Variants in SMCR8 observed in about 807,000 individuals in gnomAD.
SMCR8 encodes the protein guanine nucleotide exchange protein SMCR8.
A neutral mutation model predicts 56.6 loss-of-function variants in SMCR8; 30 were observed. That is an observed-to-expected ratio of 0.53 (90% confidence interval 0.40 to 0.72). The LOEUF (loss-of-function observed/expected upper bound fraction) is 0.72. Among genes scored for constraint, SMCR8 ranks in the 30% least tolerant of loss-of-function variants. The probability of loss-of-function intolerance (pLI) is 0.00; values close to 1 mark genes in which losing one functional copy is unlikely to be tolerated. For missense variants in SMCR8, 1,198 were observed against 1,157.0 expected (o/e 1.04, Z -0.51); for synonymous variants, 538 against 456.0 (o/e 1.18, Z -2.29).
In SMCR8 at chr17:18,315,872, A is replaced by G; in HGVS notation, c.83A>G (p.Glu28Gly). ...CCTTACAATGAGCCGGCCCTGCCTG[A>G]GGAGTACTCGGTGCCGCTCTTCCCC... ...EEPYNEPALP[E>G]EYSVPLFPFA... Residue 28 changes from glutamate (E) to glycine (G), a missense_variant, in exon 1 of 2, where the codon GAG (glutamate) becomes GGG (glycine). By Grantham distance (98) the Glu-to-Gly change is moderately conservative. Transcript: ENST00000406438. 1 of 1,614,106 alleles carries G rather than the reference A, an allele frequency of 6.2e-7. No individual in the cohort carries two copies. The highest frequency in any genetic ancestry group is 8.5e-7 in the Non-Finnish European group (1 of 1,180,010).
Position 18,316,490 on chromosome 17 carries a change from A to G in SMCR8, c.701A>G (p.Asn234Ser), listed in dbSNP as rs756028908. 36 of 1,614,084 alleles carry G rather than the reference A, an allele frequency of 2.2e-5. No individual in the cohort carries two copies. Among genetic ancestry groups the G allele is most frequent in the East Asian group, 6.7e-5 (3 of 44,900 alleles). ...TCATCTCAGGCAATTGAGAAAGCCA[A>G]TGAACTGGCCAGTGTGGAGAAGTCC... is the stretch of plus-strand genomic sequence containing the variant. ...FYSSQAIEKA[N>S]ELASVEKSII... is the part of the protein sequence containing the mutation. The change falls in exon 1 of 2, where the codon AAT becomes AGT. Residue 234 changes from asparagine to serine, a missense_variant. By Grantham distance (46) the Asn-to-Ser change is conservative. Coordinates refer to ENST00000406438, the MANE Select transcript of SMCR8 (RefSeq NM_144775.3).
chr17:18,316,579 C>T lies in SMCR8; in HGVS notation c.790C>T (p.His264Tyr), dbSNP rs767217770. The part of the protein sequence containing the change: ...RSYPHRKLKG[H>Y]DLCPGEMEHI... The stretch of plus-strand genomic sequence containing the variant: ...ATACCCTCATCGGAAGTTGAAGGGG[C>T]ATGATTTGTGTCCTGGTGAGATGGA... The change falls in exon 1 of 2, where the codon CAT becomes TAT. Residue 264 changes from histidine to tyrosine, a missense_variant. His to Tyr is a moderately conservative substitution (Grantham distance 83). Coordinates refer to ENST00000406438, the MANE Select transcript of SMCR8 (RefSeq NM_144775.3). The T allele has an allele frequency of 4.8e-5, 77 of 1,614,070 alleles. No homozygotes were observed. Among genetic ancestry groups the T allele is most frequent in the Non-Finnish European group, 6.1e-5 (72 of 1,180,040 alleles).
chr17:18,322,921 A>C lies in SMCR8; in HGVS notation c.2665A>C (p.Lys889Gln), dbSNP rs1489521120. ...LVASRQMSFL[K>Q]LTLGLVNEDV... The stretch of plus-strand genomic sequence containing the variant: ...AGCCAGCCGCCAGATGAGCTTCCTA[A>C]AGCTGACCCTGGGTCTGGTGAATGA... The change falls in exon 2 of 2, where the codon AAG becomes CAG. Residue 889 changes from lysine (K) to glutamine (Q), a missense_variant. By Grantham distance (53) the Lys-to-Gln change is moderately conservative. Coordinates refer to ENST00000406438, the MANE Select transcript of SMCR8 (RefSeq NM_144775.3). 1 of 1,614,164 alleles carries C rather than the reference A, an allele frequency of 6.2e-7. No individual in the cohort carries two copies. The highest frequency in any genetic ancestry group is 1.1e-5 in the South Asian group (1 of 91,080).
In SMCR8 at chr17:18,316,513, T is replaced by C; in HGVS notation, c.724T>C (p.Ser242Pro). 6.2e-7 allele frequency: 1 copy of C among 1,614,104 alleles called. No homozygotes were observed. The highest frequency in any genetic ancestry group is 8.5e-7 in the Non-Finnish European group (1 of 1,180,020). The change falls in exon 1 of 2, where the codon TCC becomes CCC. Residue 242 changes from serine to proline, a missense_variant. Physicochemically the swap from Ser to Pro is moderately conservative, Grantham distance 74. Transcript: ENST00000406438. Reference protein sequence around the residue: ...KANELASVEKSIIEHQDLLKQ... With the variant: ...KANELASVEKPIIEHQDLLKQ... ...CAATGAACTGGCCAGTGTGGAGAAGTCCATCATTGAACATCAAGACCTGCT... is the reference window on the plus strand; with the variant it reads ...CAATGAACTGGCCAGTGTGGAGAAGCCCATCATTGAACATCAAGACCTGCT...
intron 1 of SMCR8, among the ~76,000 whole-genome samples, chr17:18,320,196 C>A (rs1299756777): frequency 6.6e-6 from 1 of 152,196 alleles, no homozygotes; most frequent in Non-Finnish European, 1.5e-5. Flanking sequence ...TTACCCAGTC[C>A]TCTGTGTCCT....
chr17:18,319,064 A>G (rs975567150), intron 1 of SMCR8, among the ~76,000 whole-genome samples: 1 of 152,216 alleles, frequency 6.6e-6, no homozygotes, highest in Non-Finnish European at 1.5e-5. Flanking sequence ...AGCTCACCCA[A>G]AGAATTCCTG....
rs753366447 is a variant in SMCR8 at position 18,318,145 on chromosome 17, C to T, written c.2356C>T (p.Gln786Ter). Reference protein sequence around the residue: ...DFQKWKLIGLQRVASPAGAGT... With the variant: ...DFQKWKLIGL ...TCAGAAGTGGAAGCTTATTGGCTTG[C>T]AGAGGTAACTGGTTCCAGGTGGTGG... The change falls in exon 1 of 2, where the codon CAG becomes TAG. Residue 786 changes from glutamine (Q) to a stop codon, truncating the protein, a stop_gained. Transcript: ENST00000406438. LOFTEE classifies it high-confidence loss of function. 1 of 1,610,446 alleles carries T rather than the reference C, an allele frequency of 6.2e-7. No individual in the cohort carries two copies. Among genetic ancestry groups the T allele is most frequent in the East Asian group, 2.2e-5 (1 of 44,782 alleles).
rs1189750565 is a variant in SMCR8 at position 18,323,319 on chromosome 17, T to C, written c.*249T>C. On this transcript the variant is annotated 3_prime_UTR_variant, in exon 2 of 2. Transcript: ENST00000406438. Reference sequence around the variant, plus strand: ...CCTGGTGAAGAGTGGCCCCTGGATATGGAGGGGGCCTTGGTTTTCTGAGGA... The same window carrying C: ...CCTGGTGAAGAGTGGCCCCTGGATACGGAGGGGGCCTTGGTTTTCTGAGGA... 7 of 486,316 alleles carry C rather than the reference T, an allele frequency of 1.4e-5. No individual in the cohort carries two copies. In the East Asian group the frequency reaches 2.4e-4, roughly 16 times the overall value. The allele number at this position is 486,316 out of a possible 1,614,324, so 30.1% of individuals were successfully genotyped here.
In SMCR8 at chr17:18,327,589, A is replaced by T. The variant is rs1158744936; in HGVS notation, c.*4519A>T. On this transcript the variant is annotated 3_prime_UTR_variant, in exon 2 of 2. Transcript: ENST00000406438. ...GGCTGCCTCACCGGGATTGTCTGCCACTAAATAGCTGGAGTCACAGATTGA... is the reference window on the plus strand; with the variant it reads ...GGCTGCCTCACCGGGATTGTCTGCCTCTAAATAGCTGGAGTCACAGATTGA... 2.0e-5 allele frequency: 3 copies of T among 152,382 alleles called. No homozygotes were observed. The East Asian group carries it at 5.8e-4, about 29-fold the overall frequency. 9.4% of individuals were successfully genotyped at this position (152,382 alleles called of 1,614,324 possible).
Position 18,324,770 on chromosome 17 carries a change from G to A in SMCR8, c.*1700G>A, listed in dbSNP as rs1443580664. 1 of 152,344 alleles carries A rather than the reference G, an allele frequency of 6.6e-6. No homozygotes were observed. The highest frequency in any genetic ancestry group is 1.9e-4 in the East Asian group (1 of 5,194). 9.4% of individuals were successfully genotyped at this position (152,344 alleles called of 1,614,324 possible). ...CCGTTGGCTTCTGTTCAGGGTCCTTGCTCCCATCAGAGGTGTTTGATTTTG... is the reference window on the plus strand; with the variant it reads ...CCGTTGGCTTCTGTTCAGGGTCCTTACTCCCATCAGAGGTGTTTGATTTTG... On this transcript the variant is annotated 3_prime_UTR_variant, in exon 2 of 2. Coordinates refer to ENST00000406438, the MANE Select transcript of SMCR8 (RefSeq NM_144775.3).
Position 18,316,858 on chromosome 17 carries a change from A to G in SMCR8, c.1069A>G (p.Ile357Val). ...GDLCYLLTSQIDRALLKQQHI... is the reference protein window; with the variant it reads ...GDLCYLLTSQVDRALLKQQHI... The stretch of plus-strand genomic sequence containing the variant: ...CCTGTGTTACCTCCTGACCAGTCAG[A>G]TTGATAGAGCACTTCTAAAACAACA... Residue 357 changes from isoleucine to valine, a missense_variant, in exon 1 of 2, where the codon ATT becomes GTT. Physicochemically the swap from Ile to Val is conservative, Grantham distance 29. Coordinates refer to ENST00000406438, the MANE Select transcript of SMCR8 (RefSeq NM_144775.3). 6.2e-7 allele frequency: 1 copy of G among 1,614,230 alleles called. No homozygotes were observed. Among genetic ancestry groups the G allele is most frequent in the East Asian group, 2.2e-5 (1 of 44,890 alleles).
At position 18,318,054 on chromosome 17, in the gene SMCR8, C is replaced by G; in HGVS notation, c.2265C>G (p.Pro755=). 6.2e-7 allele frequency: 1 copy of G among 1,614,254 alleles called. No individual in the cohort carries two copies. Residue 755 remains proline (P), a synonymous_variant, in exon 1 of 2, where the codon CCC becomes CCG. Transcript: ENST00000406438. ...TGACTGCACTGGCTATCTTTGTCCC[C>G]AGCTATGGCTGCTACGCTAAGCCCG... The part of the protein sequence containing the change: ...KLVTALAIFV[P]SYGCYAKPVK...
At chr17:18,318,183 G>A in intron 1 of SMCR8, 34 bp downstream of exon 1, 1 of 1,584,854 alleles carries the variant, frequency 6.3e-7, no homozygotes, top group South Asian at 1.1e-5. Context: ...AAGGGCCTTG[G>A]CCAGATAGGG....
At chr17:18,321,795 G>C (rs1275181831) in intron 1 of SMCR8, among the ~76,000 whole-genome samples, 1 of 152,198 alleles carries the variant, frequency 6.6e-6, no homozygotes, top group Non-Finnish European at 1.5e-5. Context: ...TCGTGCTACT[G>C]CACTCCAGCC....
chr17:18,318,549 G>A (rs1489793360), intron 1 of SMCR8, among the ~76,000 whole-genome samples: 1 of 152,070 alleles, frequency 6.6e-6, no homozygotes. Flanking sequence ...GATTACAGGC[G>A]CCTGCCACCA....
In SMCR8 at chr17:18,322,598, C is replaced by G. The variant is rs200105215; in HGVS notation, c.2361-19C>G. 58 of 1,607,998 alleles carry G rather than the reference C, an allele frequency of 3.6e-5. No homozygotes were observed. In the African/African-American group the frequency reaches 6.4e-4, roughly 18 times the overall value. ...CCCGGCCCTTGCCCTTCCTCCTGAC[C>G]TTGGCCTGTCTGTTTCAGAGTGGCC... On this transcript the variant is annotated intron_variant, in intron 1 of 1. Coordinates refer to ENST00000406438, the MANE Select transcript of SMCR8 (RefSeq NM_144775.3).
Position 18,322,563 on chromosome 17 carries a change from C to T in SMCR8, c.2361-54C>T. The T allele has an allele frequency of 4.5e-6, 7 of 1,549,114 alleles. No homozygotes were observed. The Admixed American group carries it at 1.2e-4, about 27-fold the overall frequency. On this transcript the variant is annotated intron_variant, in intron 1 of 1. Coordinates refer to ENST00000406438, the MANE Select transcript of SMCR8 (RefSeq NM_144775.3). ...GGAGGCCTCACCTCCCAAGCTTCTG[C>T]CTCCACTTTCCCGGCCCTTGCCCTT...
rs747007555 is a variant in SMCR8 at position 18,322,676 on chromosome 17, C to T, written c.2420C>T (p.Thr807Met). The change falls in exon 2 of 2, where the codon ACG (threonine) becomes ATG (methionine). Residue 807 changes from threonine to methionine, a missense_variant. Coordinates refer to ENST00000406438, the MANE Select transcript of SMCR8 (RefSeq NM_144775.3). ...LHALSRYSRY[T>M]SILDLDNKTL... ...GCCCTGAGCCGCTACAGCCGCTACA[C>T]GAGCATCCTGGACCTTGACAACAAA... 5.5e-5 allele frequency: 88 copies of T among 1,614,094 alleles called. No homozygotes were observed. Among genetic ancestry groups the T allele is most frequent in the Non-Finnish European group, 7.0e-5 (83 of 1,180,050 alleles).
rs1161197199 is a variant in SMCR8 at position 18,327,270 on chromosome 17, G to C, written c.*4200G>C. ...GGAGGCAGGGGTGGATGGGGGTGTG[G>C]GGAGGGGATGAGCACTCTGCAGCCG... is the stretch of plus-strand genomic sequence containing the variant. On this transcript the variant is annotated 3_prime_UTR_variant, in exon 2 of 2. Transcript: ENST00000406438. 6.6e-6 allele frequency: 1 copy of C among 152,300 alleles called. No individual in the cohort carries two copies. The highest frequency in any genetic ancestry group is 1.5e-5 in the Non-Finnish European group (1 of 68,130). The allele number at this position is 152,300 out of a possible 1,614,324, so 9.4% of individuals were successfully genotyped here.
Sources: allele counts gnomAD v4.1 joint callset (sites outside exome capture counted in the v4.1 genomes callset), GRCh38; gene constraint gnomAD v4.1.1; transcripts MANE v1.5; gene names NCBI Gene and HGNC (gene_info 2026-07-23, HGNC 2026-07-21).